Variants in LPP observed in about 807,000 individuals in gnomAD.
LPP encodes LIM domain containing preferred translocation partner in lipoma.
Under a neutral mutation model 60.4 loss-of-function variants are expected in LPP, and 38 were observed. The ratio of observed to expected loss-of-function variants is 0.63; its 90% CI spans 0.49 to 0.83. The LOEUF is 0.83. Among genes scored for constraint, LPP ranks in the 40% least tolerant of loss-of-function variants. The pLI, the probability that LPP is intolerant of heterozygous loss-of-function variation, is 0.00. For missense variants in LPP, 902 were observed against 783.6 expected (o/e 1.15, Z -1.80); for synonymous variants, 328 against 290.8 (o/e 1.13, Z -1.30).
intron 9 of LPP, among the ~76,000 whole-genome samples, chr3:188,790,116 A>G (rs13087217): frequency 0.11 from 16,061 of 152,260 alleles, 1,077 homozygotes; most frequent in Middle Eastern, 0.15. Context: ...ACACATTGCA[A>G]CATTTTTATG....
intron 2 of LPP, among the ~76,000 whole-genome samples, chr3:188,241,275 A>C (rs1724678614): frequency 6.6e-6 from 1 of 152,328 alleles, no homozygotes; most frequent in East Asian, 1.9e-4. Context: ...TACATGCTGT[A>C]CGTTTCTCCA....
intron 5 of LPP, among the ~76,000 whole-genome samples, chr3:188,523,039 C>G (rs1461301585): frequency 6.6e-6 from 1 of 151,894 alleles, no homozygotes; most frequent in Non-Finnish European, 1.5e-5. Context: ...TCCCAAGTAT[C>G]TGGGATTACA....
At chr3:188,420,032 A>G (rs1787359920) in intron 4 of LPP, among the ~76,000 whole-genome samples, 1 of 152,148 alleles carries the variant, frequency 6.6e-6, no homozygotes, top group South Asian at 2.1e-4. Context: ...TGCTATTATT[A>G]TTGAAATGAA....
chr3:188,768,926 A>C (rs1734984051), intron 9 of LPP, among the ~76,000 whole-genome samples: 2 of 152,212 alleles, frequency 1.3e-5, no homozygotes, highest in Non-Finnish European at 2.9e-5. Context: ...TTTTCCACTC[A>C]ACATCTTAAG....
intron 2 of LPP, among the ~76,000 whole-genome samples, chr3:188,265,899 G>GTGTA (rs1735366339): frequency 6.6e-6 from 1 of 151,320 alleles, no homozygotes; most frequent in African/African-American, 2.4e-5. Context: ...GTGTGTGTGT[G>GTGTA]TGTGTATGTG....
chr3:188,811,928 C>A (rs1261793550), intron 9 of LPP, among the ~76,000 whole-genome samples: 2 of 152,086 alleles, frequency 1.3e-5, no homozygotes. Flanking sequence ...ATAATAATCA[C>A]ATCACGGAGA....
At chr3:188,156,141 T>C (rs551854321) in intron 1 of LPP, among the ~76,000 whole-genome samples, 6 of 152,308 alleles carry the variant, frequency 3.9e-5, no homozygotes, top group Admixed American at 3.3e-4. Flanking sequence ...CCAGAGGGGA[T>C]TACCTATTCT....
chr3:188,306,713 C>G (rs1184178711), intron 2 of LPP, among the ~76,000 whole-genome samples: 1 of 152,202 alleles, frequency 6.6e-6, no homozygotes, highest in African/African-American at 2.4e-5. Flanking sequence ...AGGGCATCCT[C>G]TCTGAAAGGG....
chr3:188,341,899 AT>A (rs146409240), intron 3 of LPP, among the ~76,000 whole-genome samples, 180 bp downstream of exon 3: 1 of 152,064 alleles, frequency 6.6e-6, no homozygotes, highest in Admixed American at 6.6e-5. Context: ...TTTTTGATTT[AT>A]TTTTTTCCCT....
In LPP at chr3:188,868,366, A is replaced by G. The variant is rs1767204280; in HGVS notation, c.1589+1988A>G. ...TCTTTCATGTCTAGGGGTAGGGAGC[A>G]TAATTAGAGACTGGTGACTGATGAC... is the stretch of plus-strand genomic sequence containing the variant. On this transcript the variant is annotated intron_variant, in intron 10 of 11. Transcript: ENST00000617246. 2.0e-5 allele frequency among the ~76,000 whole-genome samples: 3 copies of G among 152,316 alleles called. No individual in the cohort carries two copies. In the South Asian group the frequency reaches 6.2e-4, roughly 32 times the overall value.
intron 11 of LPP, 61 bp downstream of exon 11, chr3:188,872,824 A>G: frequency 1.9e-6 from 3 of 1,604,850 alleles, no homozygotes; most frequent in Non-Finnish European, 2.6e-6. Flanking sequence ...CGTTCGAGCT[A>G]GGTTTACATA....
At chr3:188,210,422 T>C (rs1342591774) in intron 1 of LPP, among the ~76,000 whole-genome samples, 1 of 152,140 alleles carries the variant, frequency 6.6e-6, no homozygotes, top group Non-Finnish European at 1.5e-5. Flanking sequence ...CAGTTCCGTG[T>C]AAGGAAGAAC....
intron 6 of LPP, among the ~76,000 whole-genome samples, chr3:188,539,292 A>G (rs530028512): frequency 6.6e-6 from 1 of 152,298 alleles, no homozygotes; most frequent in South Asian, 2.1e-4. Flanking sequence ...AATGCAATCT[A>G]ACAGTTATAG....
At chr3:188,450,429 A>G (rs1280242783) in intron 4 of LPP, among the ~76,000 whole-genome samples, 4 of 152,126 alleles carry the variant, frequency 2.6e-5, no homozygotes, top group Non-Finnish European at 2.9e-5. Context: ...ATTTATCTAT[A>G]TGATCAGCAT....
chr3:188,277,675 G>T (rs1740460898), intron 2 of LPP, among the ~76,000 whole-genome samples: 1 of 152,114 alleles, frequency 6.6e-6, no homozygotes, highest in Non-Finnish European at 1.5e-5. Flanking sequence ...TTATGAACTG[G>T]TGGTCGAGGG....
intron 6 of LPP, among the ~76,000 whole-genome samples, chr3:188,571,648 GTTA>G (rs1420702907): frequency 6.6e-6 from 1 of 152,036 alleles, no homozygotes; most frequent in Non-Finnish European, 1.5e-5. Flanking sequence ...CAATCTAATT[GTTA>G]TTATGAGAAG....
At chr3:188,870,787 T>G (rs1489594696) in intron 10 of LPP, among the ~76,000 whole-genome samples, 2 of 152,198 alleles carry the variant, frequency 1.3e-5, no homozygotes, top group African/African-American at 4.8e-5. Context: ...GAGAACCACC[T>G]CCTGCCTCTT....
chr3:188,347,443 C>G (rs188517334), intron 3 of LPP, among the ~76,000 whole-genome samples: 6 of 152,282 alleles, frequency 3.9e-5, no homozygotes, highest in Admixed American at 1.3e-4. Context: ...CTTCAAACTT[C>G]TGTCAGGTTA....
chr3:188,512,116 C>T (rs1815870515), intron 5 of LPP, among the ~76,000 whole-genome samples: 1 of 152,136 alleles, frequency 6.6e-6, no homozygotes, highest in Admixed American at 6.5e-5. Flanking sequence ...CGTAAATTCC[C>T]CTTCTAGTTC....
Sources: gnomAD v4.1 joint callset for allele counts (sites outside exome capture counted in the v4.1 genomes callset) on GRCh38, gnomAD v4.1.1 for gene constraint, MANE v1.5 for transcripts, NCBI Gene and HGNC (gene_info 2026-07-23, HGNC 2026-07-21) for gene names.